Variants in DMKN observed in about 807,000 individuals in gnomAD.
DMKN encodes the protein epidermis-specific secreted protein SK30/SK89.
In DMKN, 58 loss-of-function variants were observed where a neutral mutation model predicts 67.6. That is an observed-to-expected ratio of 0.86 (90% CI 0.69 to 1.07). The LOEUF (loss-of-function observed/expected upper bound fraction) is 1.07, where lower values mean the gene tolerates loss of function less well. DMKN is among the 50% of genes least tolerant of loss of function. The pLI is 0.00. For missense variants in DMKN, 596 were observed against 601.5 expected (o/e 0.99, Z 0.10); for synonymous variants, 240 against 232.3 (o/e 1.03, Z -0.30).
At chr19:35,506,935 C>T (rs1316659562) in intron 7 of DMKN, 1 of 196,918 alleles carries the variant, frequency 5.1e-6, no homozygotes, top group East Asian at 1.4e-4. Context: ...TCCTAGCTAC[C>T]TGGGATTACA....
At position 35,513,259 on chromosome 19, in the gene DMKN, G is replaced by A. The variant is rs1215201845; in HGVS notation, c.217C>T (p.Gln73Ter). Reference sequence around the variant, plus strand: ...GTGCCAACTGCTTCTCTGGTCCCTTGGCCAAGGGCCTCACTGACTTTAGAG... The same window carrying A: ...GTGCCAACTGCTTCTCTGGTCCCTTAGCCAAGGGCCTCACTGACTTTAGAG... ...AGSKVSEALG[Q>*]GTREAVGTGV... The change falls in exon 1 of 16, where the codon CAA becomes TAA. Residue 73 changes from glutamine (Q) to a stop codon, truncating the protein, a stop_gained. Coordinates refer to ENST00000339686, the MANE Select transcript of DMKN (RefSeq NM_033317.5). LOFTEE classifies it high-confidence loss of function. The A allele has an allele frequency of 6.2e-7, 1 of 1,614,112 alleles. No homozygotes were observed. Among genetic ancestry groups the A allele is most frequent in the Admixed American group, 1.7e-5 (1 of 60,008 alleles).
intron 7 of DMKN, chr19:35,506,516 C>G (rs1189751198): frequency 3.9e-6 from 2 of 508,798 alleles, no homozygotes; most frequent in Non-Finnish European, 7.7e-6. Context: ...ATGCCTTATG[C>G]AGCATCTGTC....
chr19:35,508,445 G>C, intron 7 of DMKN: 1 of 560,282 alleles, frequency 1.8e-6, no homozygotes, highest in Non-Finnish European at 3.1e-6. Flanking sequence ...GGTAAGTGAA[G>C]ATAAGAGGTA....
chr19:35,505,829 C>T, intron 8 of DMKN, 64 bp from the exon 9 acceptor site: 1 of 1,613,572 alleles, frequency 6.2e-7, no homozygotes, highest in Non-Finnish European at 8.5e-7. Context: ...CGAGAGAGGT[C>T]AAGGGCCACT....
In DMKN at chr19:35,510,208, G is replaced by C. The variant is rs764846380; in HGVS notation, c.963C>G (p.Gly321=). 6.2e-7 allele frequency: 1 copy of C among 1,608,866 alleles called. No individual in the cohort carries two copies. Among genetic ancestry groups the C allele is most frequent in the Non-Finnish European group, 8.5e-7 (1 of 1,177,916 alleles). The change falls in exon 6 of 16, where the codon GGC becomes GGG. Residue 321 remains glycine, a synonymous_variant. Transcript: ENST00000339686. ...GSSSGNHGGS[G]GGNGHKPGCE... The stretch of plus-strand genomic sequence containing the variant: ...CCCCGGGTTTATGTCCATTTCCTCC[G>C]CCGCTCCCACCGTGGTTGCCGGAGG...
At position 35,511,468 on chromosome 19, in the gene DMKN, A is replaced by ACCACTGTTG; in HGVS notation, c.860_861insCAACAGTGG (p.Gly287_Gly288insAsnSerGly). The ACCACTGTTG allele has an allele frequency of 1.1e-5, 12 of 1,095,966 alleles. No individual in the cohort carries two copies. The African/African-American group carries it at 2.7e-4, about 25-fold the overall frequency. The allele number at this position is 1,095,966 out of a possible 1,614,324, so 67.9% of individuals were successfully genotyped here. ...TGCCACCACTGTTGCCACTGCTGCC[A>ACCACTGTTG]CCACTGCTGCCGCCACTGCTGCCGC... is the stretch of plus-strand genomic sequence containing the variant. On this transcript the variant is annotated inframe_insertion, in exon 5 of 16. Coordinates refer to ENST00000339686, the MANE Select transcript of DMKN (RefSeq NM_033317.5).
At chr19:35,503,212 A>G in intron 9 of DMKN, 4 of 1,438,776 alleles carry the variant, frequency 2.8e-6, no homozygotes, top group Non-Finnish European at 3.7e-6. Context: ...GGCCTCCTCC[A>G]GCCCGTTTCC....
rs2070404602 is a variant in DMKN, at chr19:35,509,955, T to C, written c.994A>G (p.Lys332Glu). ...GGNGHKPGCE[K>E]PGNEARGSGE... ...CTCCCGCGGGCTTCATTCCCTGGCTTTTCACACTGCCGGGGAGAGAAAGGG... is the reference window on the plus strand; with the variant it reads ...CTCCCGCGGGCTTCATTCCCTGGCTCTTCACACTGCCGGGGAGAGAAAGGG... The change falls in exon 7 of 16, where the codon AAG (lysine) becomes GAG (glutamate). Residue 332 changes from lysine (K) to glutamate (E), a missense_variant. Transcript: ENST00000339686. The C allele has an allele frequency of 6.2e-7, 1 of 1,614,128 alleles. No homozygotes were observed.
chr19:35,507,555 G>A (rs759549204), intron 7 of DMKN: 56 of 1,532,690 alleles, frequency 3.7e-5, no homozygotes, highest in South Asian at 1.3e-4. Context: ...GGAGGCAGGC[G>A]GGCAGGGGGA....
At chr19:35,499,784 A>G in intron 13 of DMKN, 174 bp downstream of exon 13, 1 of 633,976 alleles carries the variant, frequency 1.6e-6, no homozygotes, top group Non-Finnish European at 2.7e-6. Context: ...CTCCACTTCC[A>G]AACTGTCTCA....
Position 35,509,956 on chromosome 19 carries a change from T to C in DMKN, c.993A>G (p.Glu331=). 1.2e-6 allele frequency: 2 copies of C among 1,614,134 alleles called. No individual in the cohort carries two copies. The highest frequency in any genetic ancestry group is 1.7e-6 in the Non-Finnish European group (2 of 1,180,012). The change falls in exon 7 of 16, where the codon GAA becomes GAG. Residue 331 remains glutamate, a synonymous_variant. Coordinates refer to ENST00000339686, the MANE Select transcript of DMKN (RefSeq NM_033317.5). ...GGGNGHKPGC[E]KPGNEARGSG... is the part of the protein sequence containing the mutation. ...TCCCGCGGGCTTCATTCCCTGGCTTTTCACACTGCCGGGGAGAGAAAGGGG... is the reference window on the plus strand; with the variant it reads ...TCCCGCGGGCTTCATTCCCTGGCTTCTCACACTGCCGGGGAGAGAAAGGGG...
chr19:35,505,707 C>A lies in DMKN; in HGVS notation c.1134+11G>T. 1.2e-6 allele frequency: 2 copies of A among 1,614,200 alleles called. No individual in the cohort carries two copies. Among genetic ancestry groups the A allele is most frequent in the Non-Finnish European group, 1.7e-6 (2 of 1,180,044 alleles). ...CTATAGCCCTCTCCGACGAAGATGT[C>A]CAGCCCTTACCTTGTTTATGGCATC... is the stretch of plus-strand genomic sequence containing the variant. On this transcript the variant is annotated intron_variant, in intron 9 of 15. Coordinates refer to ENST00000339686, the MANE Select transcript of DMKN (RefSeq NM_033317.5).
chr19:35,502,862 G>C lies in DMKN; in HGVS notation c.1159C>G (p.Arg387Gly). 1 of 1,613,996 alleles carries C rather than the reference G, an allele frequency of 6.2e-7. No homozygotes were observed. The highest frequency in any genetic ancestry group is 8.5e-7 in the Non-Finnish European group (1 of 1,179,976). ...NKNQVPPPST[R>G]ALLYFSRLWE... ...AGTCGGCTGAAGTAGAGGAGGGCTC[G>C]GGTGCTGGGGGGCGGGACCTGGTTC... The change falls in exon 10 of 16, where the codon CGA becomes GGA. Residue 387 changes from arginine (R) to glycine (G), a missense_variant. Coordinates refer to ENST00000339686, the MANE Select transcript of DMKN (RefSeq NM_033317.5).
In DMKN at chr19:35,502,174, G is replaced by A; in HGVS notation, c.1201C>T (p.Gln401Ter). 1 of 1,614,158 alleles carries A rather than the reference G, an allele frequency of 6.2e-7. No individual in the cohort carries two copies. Residue 401 changes from glutamine to a stop codon, truncating the protein, a stop_gained, in exon 11 of 16, where the codon CAG becomes TAG. Coordinates refer to ENST00000339686, the MANE Select transcript of DMKN (RefSeq NM_033317.5). LOFTEE classifies it high-confidence loss of function. ...YFSRLWEDFK[Q>*]NTPFLNWKAI... The stretch of plus-strand genomic sequence containing the variant: ...TTCCAGTTGAGGAAAGGAGTGTTCT[G>A]TTTGAAATCCTGCAGGGAGAAGGAG...
Position 35,511,519 on chromosome 19 carries a change from A to T in DMKN, c.810T>A (p.Gly270=). The change falls in exon 5 of 16, where the codon GGT becomes GGA. Residue 270 remains glycine (G), a synonymous_variant. Coordinates refer to ENST00000339686, the MANE Select transcript of DMKN (RefSeq NM_033317.5). ...NGDNNNGSSS[G]GSSSGSSSGG... ...CACTGCTGCTGCCACTGCTGCTGCC[A>T]CCACTGCTGCTGCCATTGTTGTTGT... 1 of 1,226,802 alleles carries T rather than the reference A, an allele frequency of 8.2e-7. No homozygotes were observed. The highest frequency in any genetic ancestry group is 1.1e-6 in the Non-Finnish European group (1 of 946,136). 76.0% of individuals were successfully genotyped at this position (1,226,802 alleles called of 1,614,324 possible).
chr19:35,501,454 A>G (rs2068342759), intron 11 of DMKN, among the ~76,000 whole-genome samples: 1 of 152,208 alleles, frequency 6.6e-6, no homozygotes, highest in Admixed American at 6.5e-5. Flanking sequence ...TCACACATGC[A>G]TGCATGACTG....
Position 35,511,509 on chromosome 19 carries a change from T to A in DMKN, c.820A>T (p.Ser274Cys), listed in dbSNP as rs199498909. The A allele has an allele frequency of 5.5e-6, 6 of 1,094,646 alleles. No homozygotes were observed. The African/African-American group carries it at 9.6e-5, about 17-fold the overall frequency. 67.8% of individuals were successfully genotyped at this position (1,094,646 alleles called of 1,614,324 possible). A position where few individuals can be genotyped will look rare whatever the true frequency, so the allele number is the denominator to read the frequency against. ...CTGCTGCCGCCACTGCTGCTGCCAC[T>A]GCTGCTGCCACCACTGCTGCTGCCA... ...NNGSSSGGSS[S>C]GSSSGGSSGG... The change falls in exon 5 of 16, where the codon AGT becomes TGT. Residue 274 changes from serine to cysteine, a missense_variant. By Grantham distance (112) the Ser-to-Cys change is moderately radical. Coordinates refer to ENST00000339686, the MANE Select transcript of DMKN (RefSeq NM_033317.5).
At chr19:35,503,465 T>A in intron 9 of DMKN, 2 of 1,484,844 alleles carry the variant, frequency 1.3e-6, no homozygotes, top group Non-Finnish European at 1.8e-6. Flanking sequence ...AAGAAACAGG[T>A]TTTTTTTTGT....
intron 7 of DMKN, chr19:35,508,164 T>C: frequency 6.4e-7 from 1 of 1,551,546 alleles, no homozygotes. Context: ...CCCCACTTAC[T>C]ACCGGCACAG....
Sources: allele counts gnomAD v4.1 joint callset (sites outside exome capture counted in the v4.1 genomes callset), GRCh38; gene constraint gnomAD v4.1.1; transcripts MANE v1.5; gene names NCBI Gene and HGNC (gene_info 2026-07-23, HGNC 2026-07-21).